Variants in PCBP4 observed in about 807,000 individuals in gnomAD.
PCBP4 encodes the protein poly(rC)-binding protein 4.
PCBP4 carries 24 observed loss-of-function variants against 46.2 expected under a neutral mutation model. The ratio of observed to expected loss-of-function variants is 0.52; its 90% confidence interval spans 0.38 to 0.73. The LOEUF (loss-of-function observed/expected upper bound fraction) is 0.73. Ranked by LOEUF, PCBP4 falls within the 30% of genes least tolerant of loss-of-function variation. The pLI is 0.00. For synonymous variants in PCBP4, 203 were observed against 224.4 expected (o/e 0.90, Z 0.85); for missense variants, 407 against 537.0 (o/e 0.76, Z 2.39).
chr3:51,961,855 G>C, intron 2 of PCBP4, 86 bp downstream of exon 2: 3 of 645,046 alleles, frequency 4.7e-6, no homozygotes, highest in Non-Finnish European at 5.8e-6. Context: ...AGGCAGGGAG[G>C]CCTCGGGTGT....
chr3:51,959,565 T>G lies in PCBP4; in HGVS notation c.591+12A>C. On this transcript the variant is annotated intron_variant, in intron 9 of 13. Coordinates refer to ENST00000461554, the MANE Select transcript of PCBP4 (RefSeq NM_001174100.2). This position sits in a 1 kb window ranked among gnomAD's most constrained non-coding sequence, Gnocchi z 5.6. Reference sequence around the variant, plus strand: ...CAGTAATGTGTCCCACTGCTCCTGTTGTTCCCCTCACCTGGTTGGCAGAGA... The same window carrying G: ...CAGTAATGTGTCCCACTGCTCCTGTGGTTCCCCTCACCTGGTTGGCAGAGA... The G allele has an allele frequency of 6.4e-7, 1 of 1,551,108 alleles. No homozygotes were observed. The highest frequency in any genetic ancestry group is 2.4e-5 in the East Asian group (1 of 41,030).
chr3:51,966,734 G>A (rs1380288932), intron 1 of PCBP4, among the ~76,000 whole-genome samples: 1 of 152,072 alleles, frequency 6.6e-6, no homozygotes, highest in Non-Finnish European at 1.5e-5. Flanking sequence ...GGAGAGAGGA[G>A]GCGGGCACCT....
rs61754212 is a variant in PCBP4, at chr3:51,960,664, C to A, written c.139-22G>T. 5,221 of 1,584,750 alleles carry A rather than the reference C, an allele frequency of 3.3e-3. 10 individuals are homozygous for A. Among genetic ancestry groups the A allele is most frequent in the Non-Finnish European group, 4.3e-3 (4,916 of 1,153,460 alleles). The stretch of plus-strand genomic sequence containing the variant: ...TGCTCTGCAGATATAGAATGAGCGC[C>A]GGGCAGCGGGGCATCTTCCCTGCTC... On this transcript the variant is annotated intron_variant, in intron 5 of 13. Coordinates refer to ENST00000461554, the MANE Select transcript of PCBP4 (RefSeq NM_001174100.2). This position sits in a 1 kb window ranked among gnomAD's most constrained non-coding sequence, Gnocchi z 5.0.
chr3:51,957,862 C>G lies in PCBP4; in HGVS notation c.*199G>C. 2.0e-6 allele frequency: 1 copy of G among 492,140 alleles called. No individual in the cohort carries two copies. The highest frequency in any genetic ancestry group is 3.7e-5 in the South Asian group (1 of 27,078). 30.5% of individuals were successfully genotyped at this position (492,140 alleles called of 1,614,324 possible). A position where few individuals can be genotyped will look rare whatever the true frequency, so the allele number is the denominator to read the frequency against. ...GCCCCCTGCCCTGGGGCTGCCGCAG[C>G]TCAGACCCCTGGGCCAGAAACTGCC... On this transcript the variant is annotated 3_prime_UTR_variant, in exon 14 of 14. Coordinates refer to ENST00000461554, the MANE Select transcript of PCBP4 (RefSeq NM_001174100.2).
Position 51,960,374 on chromosome 3 carries a change from G to C in PCBP4, c.256-54C>G, listed in dbSNP as rs940827935. On this transcript the variant is annotated intron_variant, in intron 6 of 13. Transcript: ENST00000461554. This position sits in a 1 kb window ranked among gnomAD's most constrained non-coding sequence, Gnocchi z 5.0. Reference sequence around the variant, plus strand: ...TGCTCGTCCCTGCTATATCTGCCCAGGGGTCAGGAGGGTACCCTTTCCCCA... The same window carrying C: ...TGCTCGTCCCTGCTATATCTGCCCACGGGTCAGGAGGGTACCCTTTCCCCA... The C allele has an allele frequency of 4.4e-6, 7 of 1,591,814 alleles. No homozygotes were observed. The East Asian group carries it at 1.3e-4, about 31-fold the overall frequency.
At position 51,960,327 on chromosome 3, in the gene PCBP4, C is replaced by T. The variant is rs780850570; in HGVS notation, c.256-7G>A. The T allele has an allele frequency of 1.2e-6, 2 of 1,612,046 alleles. No individual in the cohort carries two copies. The highest frequency in any genetic ancestry group is 2.7e-5 in the African/African-American group (2 of 74,906). On this transcript the variant is annotated splice_region_variant and splice_polypyrimidine_tract_variant and intron_variant, in intron 6 of 13. Coordinates refer to ENST00000461554, the MANE Select transcript of PCBP4 (RefSeq NM_001174100.2). This position sits in a 1 kb window ranked among gnomAD's most constrained non-coding sequence, Gnocchi z 5.0. ...CAGGAGCAGCACAAAGGTCCTGGGA[C>T]AGGGAGACGGTGGGTTGGCCATGCT... is the stretch of plus-strand genomic sequence containing the variant.
At position 51,958,275 on chromosome 3, in the gene PCBP4, G is replaced by T; in HGVS notation, c.998C>A (p.Pro333Gln). The change falls in exon 14 of 14, where the codon CCA becomes CAA. Residue 333 changes from proline to glutamine, a missense_variant. By Grantham distance (76) the Pro-to-Gln change is moderately conservative (BLOSUM62 -1). Transcript: ENST00000461554. This position sits in a 1 kb window ranked among gnomAD's most constrained non-coding sequence, Gnocchi z 5.4. ...APADLPAPFS[P>Q]PLTALPTAPP... ...AGCTGTGGGCAGGGCCGTCAGGGGT[G>T]GCGAGAAGGGGGCAGGCAGGTCTGC... 1 of 1,578,636 alleles carries T rather than the reference G, an allele frequency of 6.3e-7. No individual in the cohort carries two copies.
At position 51,959,680 on chromosome 3, in the gene PCBP4, G is replaced by C; in HGVS notation, c.517-29C>G. 6.5e-7 allele frequency: 1 copy of C among 1,541,424 alleles called. No homozygotes were observed. The highest frequency in any genetic ancestry group is 8.8e-7 in the Non-Finnish European group (1 of 1,137,804). The stretch of plus-strand genomic sequence containing the variant: ...GAAGGCATAAACAGGGCTCTGTCAG[G>C]ACCCTCTCAGGCTCCGATAACCTCC... On this transcript the variant is annotated intron_variant, in intron 8 of 13. Coordinates refer to ENST00000461554, the MANE Select transcript of PCBP4 (RefSeq NM_001174100.2). This position sits in a 1 kb window ranked among gnomAD's most constrained non-coding sequence, Gnocchi z 5.6.
intron 2 of PCBP4, 179 bp downstream of exon 2, chr3:51,961,762 C>T: frequency 1.0e-6 from 1 of 988,782 alleles, no homozygotes; most frequent in Non-Finnish European, 1.2e-6. Flanking sequence ...ATATGAGAGG[C>T]ACTTTCGTCC....
Position 51,958,035 on chromosome 3 carries a change from T to C in PCBP4, c.*26A>G, listed in dbSNP as rs202190838. The C allele has an allele frequency of 1.0e-4, 152 of 1,512,786 alleles. 1 individual carries two copies. In the South Asian group the frequency reaches 1.8e-3, roughly 18 times the overall value. The allele number at this position is 1,512,786 out of a possible 1,614,324, so 93.7% of individuals were successfully genotyped here. On this transcript the variant is annotated 3_prime_UTR_variant, in exon 14 of 14. Coordinates refer to ENST00000461554, the MANE Select transcript of PCBP4 (RefSeq NM_001174100.2). This position sits in a 1 kb window ranked among gnomAD's most constrained non-coding sequence, Gnocchi z 5.4. ...GCAGCCCCCTGCTGGTGGTCCTGCC[T>C]GCCCCTGCCTGTACCTCAGCTGGCC...
At chr3:51,964,467 A>C (rs1270636002) in intron 1 of PCBP4, among the ~76,000 whole-genome samples, 1 of 152,162 alleles carries the variant, frequency 6.6e-6, no homozygotes, top group Non-Finnish European at 1.5e-5. Context: ...TGTCTGGACC[A>C]GCTAGGGCCT....
At position 51,958,772 on chromosome 3, in the gene PCBP4, C is replaced by T. The variant is rs146555818; in HGVS notation, c.923+18G>A. ...GAACCGTGACCTGCTCCCCCACTGC[C>T]GCCCAGCCCGCGCTCACCAGGCAGT... On this transcript the variant is annotated intron_variant, in intron 13 of 13. Transcript: ENST00000461554. The surrounding 1 kb of genome is among the most constrained non-coding windows in gnomAD (Gnocchi z 5.4). 283 of 1,601,838 alleles carry T rather than the reference C, an allele frequency of 1.8e-4. No homozygotes were observed. Among genetic ancestry groups the T allele is most frequent in the East Asian group, 1.1e-3 (48 of 44,560 alleles).
At position 51,961,064 on chromosome 3, in the gene PCBP4, T is replaced by C. The variant is rs748749581; in HGVS notation, c.82-31A>G. On this transcript the variant is annotated intron_variant, in intron 3 of 13. Transcript: ENST00000461554. ...GACAAGACAAGAGCCGTCAGATGGG[T>C]GCCAGTGCCCAGGCCCAGCCCCTCC... is the stretch of plus-strand genomic sequence containing the variant. 7 of 1,614,120 alleles carry C rather than the reference T, an allele frequency of 4.3e-6. No homozygotes were observed. In the South Asian group the frequency reaches 6.6e-5, roughly 15 times the overall value.
Position 51,958,979 on chromosome 3 carries a change from C to T in PCBP4, c.754-20G>A. ...AATCAACTAGAGGGAAGGCAGAATTCAGCCCTGGGTGAGGTCCAGACCCCC... is the reference window on the plus strand; with the variant it reads ...AATCAACTAGAGGGAAGGCAGAATTTAGCCCTGGGTGAGGTCCAGACCCCC... On this transcript the variant is annotated intron_variant, in intron 12 of 13. Transcript: ENST00000461554. This position sits in a 1 kb window ranked among gnomAD's most constrained non-coding sequence, Gnocchi z 5.4. 1.9e-6 allele frequency: 3 copies of T among 1,613,882 alleles called. No homozygotes were observed. Among genetic ancestry groups the T allele is most frequent in the Non-Finnish European group, 2.5e-6 (3 of 1,179,860 alleles).
intron 1 of PCBP4, among the ~76,000 whole-genome samples, chr3:51,966,522 A>G (rs1049072703): frequency 2.6e-4 from 40 of 152,090 alleles, no homozygotes; most frequent in African/African-American, 8.9e-4. Flanking sequence ...ATGGATTGTA[A>G]GAGCCTTTGT....
chr3:51,960,822 C>T lies in PCBP4; in HGVS notation c.138+44G>A, dbSNP rs1417876956. The T allele has an allele frequency of 6.2e-7, 1 of 1,603,012 alleles. No individual in the cohort carries two copies. Among genetic ancestry groups the T allele is most frequent in the Admixed American group, 1.7e-5 (1 of 60,016 alleles). On this transcript the variant is annotated intron_variant, in intron 5 of 13. Coordinates refer to ENST00000461554, the MANE Select transcript of PCBP4 (RefSeq NM_001174100.2). The surrounding 1 kb of genome is among the most constrained non-coding windows in gnomAD (Gnocchi z 5.0). ...AGAAAGTGGGGCAGGGATCTCCCCT[C>T]CACATCAGGTGCCCTGGGCTCCTCC...
At chr3:51,961,749 T>A in intron 2 of PCBP4, 192 bp downstream of exon 2, 3 of 990,372 alleles carry the variant, frequency 3.0e-6, no homozygotes, top group South Asian at 9.3e-5. Context: ...GAAAGCTTAC[T>A]CCATATGAGA....
In PCBP4 at chr3:51,960,004, T is replaced by C. The variant is rs1700067308; in HGVS notation, c.407A>G (p.Gln136Arg). ...GTTGGGGAGCAGGTCCCCTGCCACC[T>C]GTACCTGGGCACCCGTAGTCTGCAA... ...EIRETTGAQV[Q>R]VAGDLLPNST... The change falls in exon 8 of 14, where the codon CAG (glutamine) becomes CGG (arginine). Residue 136 changes from glutamine (Q) to arginine (R), a missense_variant. Transcript: ENST00000461554. The surrounding 1 kb of genome is among the most constrained non-coding windows in gnomAD (Gnocchi z 5.0). The C allele has an allele frequency of 1.9e-6, 3 of 1,614,106 alleles. No individual in the cohort carries two copies. Among genetic ancestry groups the C allele is most frequent in the African/African-American group, 1.3e-5 (1 of 74,942 alleles).
At chr3:51,961,367 A>C (rs1465207235) in intron 2 of PCBP4, 63 bp from the exon 3 acceptor site, 6 of 1,456,380 alleles carry the variant, frequency 4.1e-6, no homozygotes, top group Non-Finnish European at 4.5e-6. Flanking sequence ...CTGCCCTTAC[A>C]TGGGGACCCC....
Sources: allele counts gnomAD v4.1 joint callset (sites outside exome capture counted in the v4.1 genomes callset), GRCh38; gene constraint gnomAD v4.1.1; non-coding constraint Gnocchi (gnomAD v3.1); transcripts MANE v1.5; gene names NCBI Gene and HGNC (gene_info 2026-07-23, HGNC 2026-07-21).